FAF1: variants seen among roughly 807,000 people sequenced by gnomAD.
The protein encoded by FAF1 is FAS-associated factor 1.
FAF1 carries 25 observed loss-of-function variants against 92.5 expected under a neutral mutation model. The ratio of observed to expected loss-of-function variants is 0.27; its 90% CI spans 0.20 to 0.38. The LOEUF (loss-of-function observed/expected upper bound fraction) is 0.38. Among genes scored for constraint, FAF1 ranks in the 10% least tolerant of loss-of-function variants. The pLI is 1.00. For missense variants in FAF1, 636 were observed against 793.3 expected (o/e 0.80, Z 2.38); for synonymous variants, 234 against 273.2 (o/e 0.86, Z 1.42).
At position 50,953,988 on chromosome 1, in the gene FAF1, G is replaced by A. The variant is rs146080867; in HGVS notation, c.45+5779C>T. On this transcript the variant is annotated intron_variant, in intron 1 of 18. Coordinates refer to ENST00000396153, the MANE Select transcript of FAF1 (RefSeq NM_007051.3). ...ATTTGAGACGGAGTCTCCCTCTGTC[G>A]CCCAGGCTGGAGTGCAGTGGCGCGA... 4.7e-3 allele frequency among the ~76,000 whole-genome samples: 713 copies of A among 151,426 alleles called. 5 individuals are homozygous for A. The highest frequency in any genetic ancestry group is 0.017 in the African/African-American group (691 of 41,246).
chr1:50,729,034 C>CTATATA (rs1553132882), intron 6 of FAF1, among the ~76,000 whole-genome samples: 71 of 88,052 alleles, frequency 8.1e-4, no homozygotes, highest in South Asian at 1.5e-3. Context: ...ATCTATCTAT[C>CTATATA]TATATATATA....
chr1:50,742,404 G>A (rs1659424879), intron 5 of FAF1, among the ~76,000 whole-genome samples: 1 of 151,328 alleles, frequency 6.6e-6, no homozygotes, highest in Non-Finnish European at 1.5e-5. Context: ...TGGCGGGGGA[G>A]AGAGACTCTT....
chr1:50,846,445 G>A, intron 2 of FAF1: 1 of 434,426 alleles, frequency 2.3e-6, no homozygotes, highest in Admixed American at 2.7e-5. Context: ...TCGCTTCCGA[G>A]CCGCACGCAT....
chr1:50,512,365 G>A (rs1346245685), intron 15 of FAF1, among the ~76,000 whole-genome samples: 2 of 152,082 alleles, frequency 1.3e-5, no homozygotes, highest in Non-Finnish European at 2.9e-5. Context: ...GGGTTTTTAT[G>A]GTTTTAAGTC....
intron 13 of FAF1, among the ~76,000 whole-genome samples, chr1:50,556,238 CAAAAAAAAAA>C (rs34420030): frequency 1.8e-4 from 13 of 73,802 alleles, no homozygotes; most frequent in Admixed American, 3.5e-4. Context: ...ACTCCATCTC[CAAAAAAAAAA>C]AAAAAAAAAA....
chr1:50,746,860 C>T (rs1225652347), intron 4 of FAF1, among the ~76,000 whole-genome samples: 10 of 152,190 alleles, frequency 6.6e-5, no homozygotes, highest in Non-Finnish European at 5.9e-5. Context: ...CAGGGCCTCA[C>T]CACCCTGCAC....
chr1:50,660,559 T>G, intron 7 of FAF1, among the ~76,000 whole-genome samples: 1 of 151,898 alleles, frequency 6.6e-6, no homozygotes, highest in East Asian at 1.9e-4. Context: ...TGCAGTAGGT[T>G]CTCGGCTTAC....
intron 1 of FAF1, among the ~76,000 whole-genome samples, chr1:50,874,262 A>G (rs776060100): frequency 1.4e-4 from 21 of 152,092 alleles, no homozygotes; most frequent in Admixed American, 3.3e-4. Context: ...TATTTTCTTC[A>G]TTCTGTCTTA....
At chr1:50,647,419 G>C (rs1654645434) in intron 8 of FAF1, among the ~76,000 whole-genome samples, 1 of 151,988 alleles carries the variant, frequency 6.6e-6, no homozygotes, top group Admixed American at 6.6e-5. Context: ...CTATAAATTT[G>C]TTCTAACCAC....
chr1:50,531,973 T>C (rs1648195699), intron 15 of FAF1, among the ~76,000 whole-genome samples: 1 of 152,166 alleles, frequency 6.6e-6, no homozygotes, highest in African/African-American at 2.4e-5. Context: ...TAATTTTAAT[T>C]TCAAACTTAA....
At chr1:50,508,823 C>T (rs1324967359) in intron 15 of FAF1, among the ~76,000 whole-genome samples, 1 of 152,150 alleles carries the variant, frequency 6.6e-6, no homozygotes, top group Non-Finnish European at 1.5e-5. Flanking sequence ...TGCCTCAGCT[C>T]CTGAGTAGCA....
At chr1:50,940,722 A>T (rs1433573994) in intron 1 of FAF1, among the ~76,000 whole-genome samples, 1 of 152,250 alleles carries the variant, frequency 6.6e-6, no homozygotes, top group African/African-American at 2.4e-5. Context: ...AAAGAATTTT[A>T]AAAATGAAAG....
chr1:50,580,659 A>G lies in FAF1; in HGVS notation c.1113+1959T>C, dbSNP rs563325707. 9.8e-5 allele frequency among the ~76,000 whole-genome samples: 15 copies of G among 152,340 alleles called. No homozygotes were observed. In the South Asian group the frequency reaches 3.1e-3, roughly 32 times the overall value. ...TTATTACAGGATTATAACATGACTA[A>G]ATTTTATACTAAAAATCCATATATA... On this transcript the variant is annotated intron_variant, in intron 12 of 18. Coordinates refer to ENST00000396153, the MANE Select transcript of FAF1 (RefSeq NM_007051.3).
At chr1:50,820,137 G>A (rs1361924963) in intron 2 of FAF1, among the ~76,000 whole-genome samples, 2 of 151,982 alleles carry the variant, frequency 1.3e-5, no homozygotes, top group Admixed American at 6.6e-5. Context: ...GGGGTGGAGA[G>A]GGTAGGGAAG....
rs139473083 is a variant in FAF1 at position 50,603,200 on chromosome 1, C to T, written c.745-6984G>A. On this transcript the variant is annotated intron_variant, in intron 8 of 18. Coordinates refer to ENST00000396153, the MANE Select transcript of FAF1 (RefSeq NM_007051.3). Reference sequence around the variant, plus strand: ...TTCTTTGGCTTAATTAAAACAGCTACTCCTAGATACCATCCATTAGTCAGA... The same window carrying T: ...TTCTTTGGCTTAATTAAAACAGCTATTCCTAGATACCATCCATTAGTCAGA... 7.1e-3 allele frequency among the ~76,000 whole-genome samples: 1,087 copies of T among 152,300 alleles called. 18 individuals carry two copies. Among genetic ancestry groups the T allele is most frequent in the African/African-American group, 0.024 (1,015 of 41,564 alleles).
intron 15 of FAF1, among the ~76,000 whole-genome samples, chr1:50,532,258 C>T (rs1648216299): frequency 6.6e-6 from 1 of 152,104 alleles, no homozygotes; most frequent in Admixed American, 6.6e-5. Context: ...TCCTGTAACC[C>T]TCATATTCAA....
At chr1:50,858,162 T>C (rs1644405201) in intron 1 of FAF1, among the ~76,000 whole-genome samples, 165 bp from the exon 2 acceptor site, 1 of 151,810 alleles carries the variant, frequency 6.6e-6, no homozygotes, top group African/African-American at 2.4e-5. Context: ...ACATATATGG[T>C]GTGAACATTG....
At chr1:50,502,853 T>A (rs1424919937) in intron 15 of FAF1, among the ~76,000 whole-genome samples, 1 of 152,144 alleles carries the variant, frequency 6.6e-6, no homozygotes, top group Non-Finnish European at 1.5e-5. Flanking sequence ...AGGGTCTCAC[T>A]CTGTCACTCA....
chr1:50,711,463 CTTTTT>C (rs1160668174), intron 6 of FAF1, among the ~76,000 whole-genome samples: 4 of 81,978 alleles, frequency 4.9e-5, no homozygotes, highest in African/African-American at 1.5e-4. Context: ...TCCACACTGA[CTTTTT>C]TTTTTTTTTT....
Sources: gnomAD v4.1 joint callset for allele counts (sites outside exome capture counted in the v4.1 genomes callset) on GRCh38, gnomAD v4.1.1 for gene constraint, MANE v1.5 for transcripts, NCBI Gene and HGNC (gene_info 2026-07-23, HGNC 2026-07-21) for gene names.